Variants in STRIP2 observed in about 807,000 individuals in gnomAD.
STRIP2 encodes the protein striatin interacting protein 2.
A neutral mutation model predicts 107.1 loss-of-function variants in STRIP2; 84 were observed. That is an observed-to-expected ratio of 0.78 (90% CI 0.66 to 0.94). STRIP2 has a LOEUF of 0.94. Among genes scored for constraint, STRIP2 ranks in the 40% least tolerant of loss-of-function variants. The pLI is 0.00. For synonymous variants in STRIP2, 394 were observed against 400.4 expected (o/e 0.98, Z 0.19); for missense variants, 888 against 1,034.2 (o/e 0.86, Z 1.94).
At chr7:129,474,993 T>C (rs1236725840) in intron 18 of STRIP2, among the ~76,000 whole-genome samples, 1 of 152,234 alleles carries the variant, frequency 6.6e-6, no homozygotes, top group Non-Finnish European at 1.5e-5. Flanking sequence ...TTCACCAATA[T>C]ACTAAGTAGT....
chr7:129,454,567 A>AATG, intron 7 of STRIP2, 40 bp downstream of exon 7: 1 of 1,311,320 alleles, frequency 7.6e-7, no homozygotes, highest in African/African-American at 1.4e-5. Context: ...ATGGGGTGCT[A>AATG]ATGGGAGAGG....
intron 18 of STRIP2, among the ~76,000 whole-genome samples, chr7:129,474,829 T>G (rs534263071): frequency 1.2e-4 from 18 of 152,350 alleles, no homozygotes; most frequent in African/African-American, 4.3e-4. Flanking sequence ...TTGATTTATA[T>G]TTTTTCAGTT....
intron 9 of STRIP2, 85 bp downstream of exon 9, chr7:129,456,727 A>G (rs1387601925): frequency 5.4e-6 from 7 of 1,304,390 alleles, no homozygotes; most frequent in South Asian, 2.7e-5. Context: ...GGTAGGAAAA[A>G]GCAGTAAATG....
intron 1 of STRIP2, among the ~76,000 whole-genome samples, chr7:129,439,135 C>T (rs1033083999): frequency 1.2e-4 from 19 of 152,152 alleles, no homozygotes; most frequent in African/African-American, 3.9e-4. Flanking sequence ...TCATGTGCTC[C>T]GTCTTTCCTA....
chr7:129,451,624 G>A lies in STRIP2; in HGVS notation c.286G>A (p.Glu96Lys), dbSNP rs946036389. ...EDFKTQVQGK[E>K]WLELEEDAQK... ...CCTTTTATTCCCAGTGCAGGGCAAG[G>A]AATGGCTGGAGTTGGAAGAAGATGC... The change falls in exon 4 of 21, where the codon GAA (glutamate) becomes AAA (lysine). Residue 96 changes from glutamate (E) to lysine (K), a missense_variant. Transcript: ENST00000249344. 2 of 1,614,062 alleles carry A rather than the reference G, an allele frequency of 1.2e-6. No homozygotes were observed. Among genetic ancestry groups the A allele is most frequent in the African/African-American group, 1.3e-5 (1 of 74,928 alleles).
rs34127145 is a variant in STRIP2, at chr7:129,485,455, C to CAAA, written c.2255-109_2255-107dup. 3,661 of 766,274 alleles carry CAAA rather than the reference C, an allele frequency of 4.8e-3. 1 individual carries two copies. The highest frequency in any genetic ancestry group is 5.3e-3 in the Non-Finnish European group (2,834 of 535,364). 47.5% of individuals were successfully genotyped at this position (766,274 alleles called of 1,614,324 possible). Reference sequence around the variant, plus strand: ...TACTAACTTCATACATTGCTCTTTACAAAAAAAAAAAAAAAAAGAATTTCT... The same window carrying CAAA: ...TACTAACTTCATACATTGCTCTTTACAAAAAAAAAAAAAAAAAAAAGAATTTCT... On this transcript the variant is annotated intron_variant, in intron 20 of 20. Coordinates refer to ENST00000249344, the MANE Select transcript of STRIP2 (RefSeq NM_020704.3).
At chr7:129,437,060 T>C (rs1203616124) in intron 1 of STRIP2, among the ~76,000 whole-genome samples, 1 of 152,236 alleles carries the variant, frequency 6.6e-6, no homozygotes, top group Non-Finnish European at 1.5e-5. Context: ...TTCAATATAT[T>C]AAATTTAAGA....
rs201889907 is a variant in STRIP2, at chr7:129,467,374, G to A, written c.1801G>A (p.Val601Ile). Reference sequence around the variant, plus strand: ...GTTTGAATATGTATCGCAACATTTGGTATTTGCCAACTGCATCCCCTTGAT... The same window carrying A: ...GTTTGAATATGTATCGCAACATTTGATATTTGCCAACTGCATCCCCTTGAT... ...YQFEYVSQHL[V>I]FANCIPLILK... is the part of the protein sequence containing the mutation. Residue 601 changes from valine to isoleucine, a missense_variant, in exon 17 of 21, where the codon GTA (valine) becomes ATA (isoleucine). Coordinates refer to ENST00000249344, the MANE Select transcript of STRIP2 (RefSeq NM_020704.3). 22 of 1,613,352 alleles carry A rather than the reference G, an allele frequency of 1.4e-5. No homozygotes were observed. The highest frequency in any genetic ancestry group is 5.0e-5 in the Admixed American group (3 of 59,994).
intron 1 of STRIP2, among the ~76,000 whole-genome samples, chr7:129,435,116 C>G (rs915346365): frequency 3.3e-5 from 5 of 152,192 alleles, no homozygotes; most frequent in South Asian, 2.1e-4. Context: ...TCCCCTTCCC[C>G]CCGTAAGTCT....
Position 129,434,440 on chromosome 7 carries a change from G to A in STRIP2, c.-33G>A, listed in dbSNP as rs1021582472. The A allele has an allele frequency of 1.8e-5, 27 of 1,470,186 alleles. No homozygotes were observed. The highest frequency in any genetic ancestry group is 2.3e-5 in the Non-Finnish European group (26 of 1,116,430). 91.1% of individuals were successfully genotyped at this position (1,470,186 alleles called of 1,614,324 possible). A position where few individuals can be genotyped will look rare whatever the true frequency, so the allele number is the denominator to read the frequency against. ...GGTAGGGTCGCCTCCGGCAAAGCGA[G>A]CTGAACCCTGAGGGGAGCCGCTGAC... On this transcript the variant is annotated 5_prime_UTR_variant, in exon 1 of 21. Coordinates refer to ENST00000249344, the MANE Select transcript of STRIP2 (RefSeq NM_020704.3).
At chr7:129,479,491 C>CT (rs10558221) in intron 18 of STRIP2, among the ~76,000 whole-genome samples, 70 of 136,404 alleles carry the variant, frequency 5.1e-4, no homozygotes, top group Non-Finnish European at 6.0e-4. Flanking sequence ...AATAATGTTT[C>CT]TTTTTTTTTT....
At chr7:129,474,148 A>AT (rs538515619) in intron 18 of STRIP2, among the ~76,000 whole-genome samples, 147 of 144,788 alleles carry the variant, frequency 1.0e-3, no homozygotes, top group African/African-American at 1.8e-3. Context: ...CAAATCTTTT[A>AT]TTTTTTTTTT....
chr7:129,454,778 T>A (rs556981355), intron 7 of STRIP2, among the ~76,000 whole-genome samples: 1 of 152,174 alleles, frequency 6.6e-6, no homozygotes, highest in African/African-American at 2.4e-5. Context: ...TAAGTGGGGA[T>A]AGCCATTCCT....
At position 129,458,879 on chromosome 7, in the gene STRIP2, A is replaced by T; in HGVS notation, c.1340+102A>T. On this transcript the variant is annotated intron_variant, in intron 11 of 20. Transcript: ENST00000249344. This position sits in a 1 kb window ranked among gnomAD's most constrained non-coding sequence, Gnocchi z 4.6. The stretch of plus-strand genomic sequence containing the variant: ...GATGGTGCCTGGTGGTCATAATGTA[A>T]CCTAGAGCCCCTAGGCCATGGACAA... 1 of 1,148,106 alleles carries T rather than the reference A, an allele frequency of 8.7e-7. No individual in the cohort carries two copies. Among genetic ancestry groups the T allele is most frequent in the Non-Finnish European group, 1.3e-6 (1 of 764,634 alleles). The allele number at this position is 1,148,106 out of a possible 1,614,324, so 71.1% of individuals were successfully genotyped here.
Position 129,486,383 on chromosome 7 carries a change from A to C in STRIP2, c.*554A>C, listed in dbSNP as rs1348445575. The C allele has an allele frequency of 6.3e-6, 1 of 159,712 alleles. No homozygotes were observed. Among genetic ancestry groups the C allele is most frequent in the South Asian group, 1.8e-4 (1 of 5,700 alleles). The allele number at this position is 159,712 out of a possible 1,614,324, so 9.9% of individuals were successfully genotyped here. A position where few individuals can be genotyped will look rare whatever the true frequency, so the allele number is the denominator to read the frequency against. ...TCTTTGTGAAGGATGATGATTTACT[A>C]TTCCCTCAATACTGCATGTTATCGA... On this transcript the variant is annotated 3_prime_UTR_variant, in exon 21 of 21. Coordinates refer to ENST00000249344, the MANE Select transcript of STRIP2 (RefSeq NM_020704.3).
intron 4 of STRIP2, among the ~76,000 whole-genome samples, chr7:129,452,558 A>G (rs1255165440): frequency 6.6e-6 from 1 of 152,150 alleles, no homozygotes; most frequent in Non-Finnish European, 1.5e-5. Flanking sequence ...GACTTTATTT[A>G]TCTAAGTTTT....
chr7:129,464,748 T>C lies in STRIP2; in HGVS notation c.1776+10T>C, dbSNP rs1463725765. The stretch of plus-strand genomic sequence containing the variant: ...CAACCATATCTACCAGGTGAGCAGC[T>C]AGGAGCACTTCTCCACAGGTCTTGG... On this transcript the variant is annotated intron_variant, in intron 16 of 20. Coordinates refer to ENST00000249344, the MANE Select transcript of STRIP2 (RefSeq NM_020704.3). 6.2e-7 allele frequency: 1 copy of C among 1,614,120 alleles called. No homozygotes were observed. Among genetic ancestry groups the C allele is most frequent in the Admixed American group, 1.7e-5 (1 of 60,028 alleles).
chr7:129,459,999 A>G (rs1231089065), intron 12 of STRIP2, among the ~76,000 whole-genome samples: 6 of 152,186 alleles, frequency 3.9e-5, no homozygotes, highest in Non-Finnish European at 7.3e-5. Context: ...GCAGTGGTCC[A>G]GGGGCAGGGG....
chr7:129,480,633 G>A, intron 18 of STRIP2, 152 bp from the exon 19 acceptor site: 1 of 595,906 alleles, frequency 1.7e-6, no homozygotes, highest in Non-Finnish European at 2.9e-6. Context: ...CATGGGCTTT[G>A]GAGACTTCAG....
Sources: allele counts gnomAD v4.1 joint callset (sites outside exome capture counted in the v4.1 genomes callset), GRCh38; gene constraint gnomAD v4.1.1; non-coding constraint Gnocchi (gnomAD v3.1); transcripts MANE v1.5; gene names NCBI Gene and HGNC (gene_info 2026-07-23, HGNC 2026-07-21).